The following LRFN2 variants were observed in gnomAD, a reference collection of about 807,000 sequenced individuals.
The protein encoded by LRFN2 is leucine-rich repeat and fibronectin type-III domain-containing protein 2.
Under a neutral mutation model 37.3 loss-of-function variants are expected in LRFN2, and 18 were observed. The observed-to-expected ratio is 0.48, with a 90% CI of 0.33 to 0.72. LRFN2 has a LOEUF of 0.72. Among genes scored for constraint, LRFN2 ranks in the 30% least tolerant of loss-of-function variants. LRFN2 has a pLI of 0.02. For missense variants in LRFN2, 1,006 were observed against 1,060.7 expected, an observed-to-expected ratio of 0.95 and a Z score of 0.72; for synonymous variants, 556 against 466.6, an observed-to-expected ratio of 1.19 and a Z score of -2.47.
chr6:40,440,101 A>ACAG (rs1378091425), intron 1 of LRFN2, among the ~76,000 whole-genome samples: 2 of 152,062 alleles, frequency 1.3e-5, no homozygotes, highest in Admixed American at 1.3e-4. Flanking sequence ...CCCGATAAAA[A>ACAG]CAGCAGTCTT....
chr6:40,529,094 G>A (rs756296227), intron 1 of LRFN2, among the ~76,000 whole-genome samples: 2 of 152,180 alleles, frequency 1.3e-5, no homozygotes, highest in Non-Finnish European at 2.9e-5. Context: ...GAAAATGAAA[G>A]ATGCTTAAGG....
At chr6:40,459,856 C>T (rs772689000) in intron 1 of LRFN2, among the ~76,000 whole-genome samples, 4 of 152,116 alleles carry the variant, frequency 2.6e-5, no homozygotes, top group Non-Finnish European at 5.9e-5. Context: ...TCGCCTAATT[C>T]TTATATCAAC....
chr6:40,538,450 C>A (rs917390078), intron 1 of LRFN2, among the ~76,000 whole-genome samples: 2 of 152,228 alleles, frequency 1.3e-5, no homozygotes, highest in African/African-American at 2.4e-5. Flanking sequence ...ATCAGAAACA[C>A]AATGGGTCCA....
intron 1 of LRFN2, among the ~76,000 whole-genome samples, chr6:40,575,757 G>T (rs765781620): frequency 4.0e-5 from 6 of 151,326 alleles, no homozygotes; most frequent in African/African-American, 1.5e-4. Context: ...GTGACAGCAT[G>T]CATCCTGGTT....
At chr6:40,576,154 G>A (rs1037007446) in intron 1 of LRFN2, among the ~76,000 whole-genome samples, 1 of 152,172 alleles carries the variant, frequency 6.6e-6, no homozygotes, top group Non-Finnish European at 1.5e-5. Context: ...AAGAAGACAG[G>A]TATGGCTGCA....
At chr6:40,579,478 T>C (rs1767352689) in intron 1 of LRFN2, among the ~76,000 whole-genome samples, 1 of 151,412 alleles carries the variant, frequency 6.6e-6, no homozygotes, top group African/African-American at 2.4e-5. Flanking sequence ...GCCTGTTTCT[T>C]AAGCGGACTT....
chr6:40,445,865 C>T (rs987743014), intron 1 of LRFN2, among the ~76,000 whole-genome samples: 4 of 152,234 alleles, frequency 2.6e-5, no homozygotes, highest in East Asian at 3.9e-4. Flanking sequence ...CCTGTAAAAT[C>T]GAATAATCTT....
intron 2 of LRFN2, among the ~76,000 whole-genome samples, chr6:40,425,998 G>A (rs1763345701): frequency 6.6e-6 from 1 of 152,148 alleles, no homozygotes; most frequent in African/African-American, 2.4e-5. Context: ...ACCTCGAGGT[G>A]GGTCACTGGT....
At chr6:40,521,858 C>G (rs1441949270) in intron 1 of LRFN2, among the ~76,000 whole-genome samples, 3 of 152,226 alleles carry the variant, frequency 2.0e-5, no homozygotes, top group African/African-American at 7.2e-5. Flanking sequence ...AGTGCTGCAC[C>G]CCTTCCCAAA....
chr6:40,414,292 A>G (rs1384027242), intron 2 of LRFN2, among the ~76,000 whole-genome samples: 1 of 152,176 alleles, frequency 6.6e-6, no homozygotes, highest in Non-Finnish European at 1.5e-5. Context: ...AGGCCTCAAG[A>G]TGCTGCAGAC....
intron 1 of LRFN2, among the ~76,000 whole-genome samples, chr6:40,578,793 T>C (rs145458155): frequency 6.6e-6 from 1 of 152,322 alleles, no homozygotes; most frequent in East Asian, 1.9e-4. Context: ...GTACTATTAT[T>C]ATCCTCATTT....
At chr6:40,569,252 T>A (rs938681203) in intron 1 of LRFN2, among the ~76,000 whole-genome samples, 46 of 152,296 alleles carry the variant, frequency 3.0e-4, no homozygotes, top group African/African-American at 1.0e-3. Context: ...CCCTGGAGGA[T>A]GGGAGCCTAT....
chr6:40,535,082 C>G (rs1257825443), intron 1 of LRFN2, among the ~76,000 whole-genome samples: 1 of 152,072 alleles, frequency 6.6e-6, no homozygotes, highest in Non-Finnish European at 1.5e-5. Context: ...GCAGGTCGAG[C>G]CTTGGGTCTT....
chr6:40,482,864 C>T (rs1241103347), intron 1 of LRFN2, among the ~76,000 whole-genome samples: 1 of 152,222 alleles, frequency 6.6e-6, no homozygotes, highest in Non-Finnish European at 1.5e-5. Flanking sequence ...CAGTAATGGG[C>T]TCCCGGGTGG....
intron 1 of LRFN2, among the ~76,000 whole-genome samples, chr6:40,471,493 G>A (rs1367179345): frequency 1.3e-5 from 2 of 152,160 alleles, no homozygotes; most frequent in Non-Finnish European, 2.9e-5. Flanking sequence ...AGGTGGTGTG[G>A]CATGCTGTTG....
At chr6:40,398,030 A>C in intron 2 of LRFN2, among the ~76,000 whole-genome samples, 1 of 152,012 alleles carries the variant, frequency 6.6e-6, no homozygotes, top group Non-Finnish European at 1.5e-5. Context: ...ACTGGCCTGC[A>C]ACAGAGTGGG....
chr6:40,431,607 C>T (rs900117808), intron 2 of LRFN2, 107 bp downstream of exon 2: 7 of 957,122 alleles, frequency 7.3e-6, no homozygotes, highest in Non-Finnish European at 1.0e-5. Flanking sequence ...CCCACAGACA[C>T]CTTTGGGGAA....
intron 1 of LRFN2, among the ~76,000 whole-genome samples, chr6:40,504,106 A>T (rs776922829): frequency 3.3e-5 from 5 of 152,192 alleles, no homozygotes; most frequent in Non-Finnish European, 5.9e-5. Context: ...CCTCCCTCAG[A>T]AAGACCAATG....
chr6:40,466,209 C>G (rs971970652), intron 1 of LRFN2, among the ~76,000 whole-genome samples: 1 of 152,144 alleles, frequency 6.6e-6, no homozygotes, highest in Non-Finnish European at 1.5e-5. Flanking sequence ...CATTTGGATA[C>G]TTTATGACCT....
Sources: gnomAD v4.1 joint callset for allele counts (sites outside exome capture counted in the v4.1 genomes callset) on GRCh38, gnomAD v4.1.1 for gene constraint, MANE v1.5 for transcripts, NCBI Gene and HGNC (gene_info 2026-07-23, HGNC 2026-07-21) for gene names.